Variants in HS3ST2 observed in about 807,000 individuals in gnomAD.
HS3ST2 encodes heparan sulfate glucosamine 3-O-sulfotransferase 2.
A neutral mutation model predicts 26.3 loss-of-function variants in HS3ST2; 17 were observed. That is an observed-to-expected ratio of 0.65 (90% CI 0.44 to 0.97). The LOEUF is 0.97. HS3ST2 is among the 50% of genes least tolerant of loss of function. HS3ST2 has a pLI of 0.00. For synonymous variants in HS3ST2, 237 were observed against 219.2 expected (o/e 1.08, Z -0.72); for missense variants, 402 against 501.2 (o/e 0.80, Z 1.89).
intron 1 of HS3ST2, among the ~76,000 whole-genome samples, chr16:22,914,372 G>A (rs1385601971): frequency 1.3e-5 from 2 of 151,926 alleles, no homozygotes; most frequent in Non-Finnish European, 1.5e-5. Context: ...AATTTATTTA[G>A]CTCACTGTGA....
chr16:22,866,112 C>T (rs1425833057), intron 1 of HS3ST2, among the ~76,000 whole-genome samples: 1 of 152,044 alleles, frequency 6.6e-6, no homozygotes, highest in Non-Finnish European at 1.5e-5. Flanking sequence ...CATGACTGCA[C>T]TTATTTAGTA....
intron 1 of HS3ST2, among the ~76,000 whole-genome samples, chr16:22,857,916 T>C (rs2039558646): frequency 6.6e-6 from 1 of 152,108 alleles, no homozygotes; most frequent in Non-Finnish European, 1.5e-5. Flanking sequence ...ACTCAGTACA[T>C]TGGAGGGGAG....
chr16:22,846,585 T>C (rs1596612484), intron 1 of HS3ST2, among the ~76,000 whole-genome samples: 1 of 152,106 alleles, frequency 6.6e-6, no homozygotes, highest in South Asian at 2.1e-4. Flanking sequence ...ACCATTTGAG[T>C]TGTCATTTCA....
intron 1 of HS3ST2, among the ~76,000 whole-genome samples, chr16:22,834,212 T>C (rs117913360): frequency 0.02 from 2,994 of 152,140 alleles, 65 homozygotes; most frequent in Non-Finnish European, 0.026. Flanking sequence ...TGTGGAAAAA[T>C]TAGGAAACTG....
chr16:22,853,336 C>T (rs1901544519), intron 1 of HS3ST2, among the ~76,000 whole-genome samples: 2 of 152,212 alleles, frequency 1.3e-5, no homozygotes, highest in African/African-American at 4.8e-5. Context: ...TTCTTTTGGT[C>T]AACCTAAAGT....
intron 1 of HS3ST2, among the ~76,000 whole-genome samples, chr16:22,857,370 G>A (rs1388956940): frequency 1.3e-5 from 2 of 152,128 alleles, no homozygotes; most frequent in Admixed American, 6.5e-5. Context: ...TTCTAAGAAA[G>A]CACCTCTTTG....
chr16:22,903,006 T>C (rs1007322794), intron 1 of HS3ST2, among the ~76,000 whole-genome samples: 1 of 152,234 alleles, frequency 6.6e-6, no homozygotes, highest in African/African-American at 2.4e-5. Context: ...TTTTTCCAAT[T>C]AGTCATTTTC....
chr16:22,880,771 G>A (rs1254790930), intron 1 of HS3ST2, among the ~76,000 whole-genome samples: 1 of 152,130 alleles, frequency 6.6e-6, no homozygotes, highest in East Asian at 1.9e-4. Flanking sequence ...CCTAAGATAC[G>A]GTCTATGGAC....
Position 22,908,470 on chromosome 16 carries a change from T to G in HS3ST2, c.486-6474T>G, listed in dbSNP as rs1347501544. ...ACAGATTACCTGAAACTGGATAATT[T>G]ATAAAGAAAATGAATTTATTTCTTA... On this transcript the variant is annotated intron_variant, in intron 1 of 1. Transcript: ENST00000261374. Among the ~76,000 whole-genome samples, 2 of 152,182 alleles carry G rather than the reference T, an allele frequency of 1.3e-5. 1 individual carries two copies. Among genetic ancestry groups the G allele is most frequent in the Non-Finnish European group, 2.9e-5 (2 of 68,038 alleles).
At chr16:22,901,725 C>G (rs1435671510) in intron 1 of HS3ST2, among the ~76,000 whole-genome samples, 4 of 152,178 alleles carry the variant, frequency 2.6e-5, no homozygotes, top group African/African-American at 9.7e-5. Context: ...TTCCTCCTTT[C>G]CAAGAGAGCT....
At chr16:22,825,328 TGTC>T (rs1176334428) in intron 1 of HS3ST2, among the ~76,000 whole-genome samples, 1 of 152,194 alleles carries the variant, frequency 6.6e-6, no homozygotes, top group Non-Finnish European at 1.5e-5. Context: ...GCCTGTTAGT[TGTC>T]ATTATTGGCC....
intron 1 of HS3ST2, among the ~76,000 whole-genome samples, chr16:22,868,836 A>G (rs1454316646): frequency 6.6e-6 from 1 of 152,094 alleles, no homozygotes; most frequent in Non-Finnish European, 1.5e-5. Context: ...CTAATTGAAT[A>G]AAACCTATAA....
intron 1 of HS3ST2, among the ~76,000 whole-genome samples, chr16:22,821,363 T>C (rs1291270346): frequency 6.6e-6 from 1 of 151,016 alleles, no homozygotes; most frequent in Non-Finnish European, 1.5e-5. Flanking sequence ...TCTGTGTATC[T>C]GGTATGCAGG....
chr16:22,849,651 A>C (rs2141185214), intron 1 of HS3ST2, among the ~76,000 whole-genome samples: 1 of 152,326 alleles, frequency 6.6e-6, no homozygotes, highest in African/African-American at 2.4e-5. Flanking sequence ...TCATCACAGA[A>C]AAAGAAAAGG....
chr16:22,834,909 T>A (rs966085250), intron 1 of HS3ST2, among the ~76,000 whole-genome samples: 1 of 152,114 alleles, frequency 6.6e-6, no homozygotes, highest in Non-Finnish European at 1.5e-5. Flanking sequence ...GCCATTTGCA[T>A]TCATTTTCTG....
chr16:22,914,332 C>A (rs1288279306), intron 1 of HS3ST2, among the ~76,000 whole-genome samples: 2 of 152,112 alleles, frequency 1.3e-5, no homozygotes, highest in African/African-American at 2.4e-5. Flanking sequence ...GCATACAGAT[C>A]TACCTAACCC....
intron 1 of HS3ST2, among the ~76,000 whole-genome samples, chr16:22,828,625 C>A (rs984867904): frequency 1.3e-5 from 2 of 152,226 alleles, no homozygotes; most frequent in Non-Finnish European, 2.9e-5. Context: ...TTTCATTTTG[C>A]TCAGGCGAGA....
At chr16:22,824,183 C>T (rs189029691) in intron 1 of HS3ST2, among the ~76,000 whole-genome samples, 24 of 152,334 alleles carry the variant, frequency 1.6e-4, no homozygotes, top group African/African-American at 4.8e-4. Flanking sequence ...TGAGAGAGGA[C>T]GTCCCTTTTG....
chr16:22,841,163 G>T (rs1281432568), intron 1 of HS3ST2, among the ~76,000 whole-genome samples: 1 of 152,110 alleles, frequency 6.6e-6, no homozygotes, highest in Non-Finnish European at 1.5e-5. Context: ...CTGGGTTCAA[G>T]CGATTCTCCT....
Sources: allele counts gnomAD v4.1 joint callset (sites outside exome capture counted in the v4.1 genomes callset), GRCh38; gene constraint gnomAD v4.1.1; transcripts MANE v1.5; gene names NCBI Gene and HGNC (gene_info 2026-07-23, HGNC 2026-07-21).